The following IGF1R variants were observed in gnomAD, a reference collection of about 807,000 sequenced individuals.
IGF1R encodes the protein insulin-like growth factor 1 receptor.
In IGF1R, 44 loss-of-function variants were observed where a neutral mutation model predicts 144.6. That is an observed-to-expected ratio of 0.30 (90% CI 0.24 to 0.39). The LOEUF is 0.39. Ranked by LOEUF, IGF1R falls within the 10% of genes least tolerant of loss-of-function variation. The probability of loss-of-function intolerance (pLI) is 1.00; values close to 1 mark genes in which losing one functional copy is unlikely to be tolerated. For synonymous variants in IGF1R, 795 were observed against 722.8 expected, an observed-to-expected ratio of 1.10 and a Z score of -1.60; for missense variants, 1,355 against 1,833.7, an observed-to-expected ratio of 0.74 and a Z score of 4.77.
At chr15:98,888,423 A>ATG (rs2013743080) in intron 2 of IGF1R, among the ~76,000 whole-genome samples, 6 of 30,170 alleles carry the variant, frequency 2.0e-4, no homozygotes, top group African/African-American at 4.5e-4. Flanking sequence ...TGGGGGTTTG[A>ATG]TGAGAGAGAG....
At position 98,935,978 on chromosome 15, in the gene IGF1R, G is replaced by A. The variant is rs895995531; in HGVS notation, c.3297+552G>A. Among the ~76,000 whole-genome samples, 1 of 152,188 alleles carries A rather than the reference G, an allele frequency of 6.6e-6. No individual in the cohort carries two copies. Among genetic ancestry groups the A allele is most frequent in the Admixed American group, 6.5e-5 (1 of 15,278 alleles). ...CAATAAATGTATGTTACAGTTCAAG[G>A]TTAAGCTGCCTGGATTCTTGCCCTT... On this transcript the variant is annotated intron_variant, in intron 17 of 20. Transcript: ENST00000650285. The surrounding 1 kb of genome is among the most constrained non-coding windows in gnomAD (Gnocchi z 4.2).
At chr15:98,730,808 A>G (rs1436858678) in intron 2 of IGF1R, among the ~76,000 whole-genome samples, 1 of 152,214 alleles carries the variant, frequency 6.6e-6, no homozygotes, top group Non-Finnish European at 1.5e-5. Context: ...ATAATGGCAA[A>G]CTTGATACCT....
At chr15:98,934,732 C>G (rs971050118) in intron 15 of IGF1R, 92 bp from the exon 16 acceptor site, 1 of 1,036,036 alleles carries the variant, frequency 9.7e-7, no homozygotes, top group Non-Finnish European at 1.5e-6. Context: ...AAGGAAGCAG[C>G]ATCTTATATT....
chr15:98,873,072 G>A (rs763577144), intron 2 of IGF1R, among the ~76,000 whole-genome samples: 1 of 152,142 alleles, frequency 6.6e-6, no homozygotes, highest in African/African-American at 2.4e-5. Context: ...AGCCAAGGAT[G>A]TCAAGGGGCC....
intron 2 of IGF1R, among the ~76,000 whole-genome samples, chr15:98,753,321 A>G (rs573238748): frequency 6.2e-5 from 9 of 146,226 alleles, no homozygotes; most frequent in East Asian, 4.0e-4. Flanking sequence ...TGCTCAAGCA[A>G]TCCTCCCGCC....
chr15:98,774,688 T>TG (rs895713979), intron 2 of IGF1R, among the ~76,000 whole-genome samples: 5 of 60,672 alleles, frequency 8.2e-5, no homozygotes, highest in African/African-American at 3.9e-4. Flanking sequence ...GCTGCGGTGG[T>TG]GGGGGGGTGG....
At chr15:98,665,137 G>T (rs948243642) in intron 1 of IGF1R, among the ~76,000 whole-genome samples, 4 of 152,090 alleles carry the variant, frequency 2.6e-5, no homozygotes, top group African/African-American at 7.2e-5. Context: ...ATTTTTAGTA[G>T]AGATGGGGTT....
chr15:98,911,601 C>T (rs113021878), intron 7 of IGF1R, among the ~76,000 whole-genome samples, 160 bp downstream of exon 7: 37 of 152,274 alleles, frequency 2.4e-4, no homozygotes, highest in Middle Eastern at 3.4e-3. Flanking sequence ...TGCACCCTCT[C>T]GGGCTGTCCC....
At chr15:98,671,582 C>G (rs1309982086) in intron 1 of IGF1R, among the ~76,000 whole-genome samples, 1 of 152,174 alleles carries the variant, frequency 6.6e-6, no homozygotes, top group African/African-American at 2.4e-5. Context: ...AGTCTCAGCT[C>G]TTTTAAGATT....
At position 98,963,459 on chromosome 15, in the gene IGF1R, T is replaced by C. The variant is rs2017306183; in HGVS notation, c.*6017T>C. On this transcript the variant is annotated 3_prime_UTR_variant, in exon 21 of 21. Transcript: ENST00000650285. ...TGGTCATTTCCCTTTGGAGTGTAGCTACTTTAACAGATGGAAAGAACCTCA... is the reference window on the plus strand; with the variant it reads ...TGGTCATTTCCCTTTGGAGTGTAGCCACTTTAACAGATGGAAAGAACCTCA... 4.3e-6 allele frequency: 1 copy of C among 233,178 alleles called. No individual in the cohort carries two copies. Among genetic ancestry groups the C allele is most frequent in the Non-Finnish European group, 8.5e-6 (1 of 118,068 alleles). The allele number at this position is 233,178 out of a possible 1,614,324, so 14.4% of individuals were successfully genotyped here. A position where few individuals can be genotyped will look rare whatever the true frequency, so the allele number is the denominator to read the frequency against.
intron 1 of IGF1R, among the ~76,000 whole-genome samples, chr15:98,675,856 C>T (rs538105829): frequency 1.1e-3 from 141 of 128,098 alleles, no homozygotes; most frequent in Middle Eastern, 5.7e-3. Flanking sequence ...GAGAGAGTCT[C>T]GCTCTGTTGC....
At chr15:98,911,020 C>T (rs761585255) in intron 6 of IGF1R, among the ~76,000 whole-genome samples, 6 of 152,218 alleles carry the variant, frequency 3.9e-5, no homozygotes, top group Admixed American at 6.5e-5. Context: ...AAGTTCACCT[C>T]GTTCACTGAA....
chr15:98,846,337 G>A (rs2011327009), intron 2 of IGF1R, among the ~76,000 whole-genome samples: 2 of 152,214 alleles, frequency 1.3e-5, no homozygotes, highest in Non-Finnish European at 2.9e-5. Context: ...ATCATTGGAT[G>A]CATTGACCAG....
At chr15:98,905,878 G>C (rs1036536144) in intron 5 of IGF1R, among the ~76,000 whole-genome samples, 2 of 152,152 alleles carry the variant, frequency 1.3e-5, no homozygotes, top group African/African-American at 4.8e-5. Flanking sequence ...CCTAATCATG[G>C]AAGGAATTTA....
chr15:98,707,890 C>T lies in IGF1R; in HGVS notation c.423C>T (p.Ile141=), dbSNP rs777332855. ...TGAGGAACATTACTCGGGGGGCCAT[C>T]AGGATTGAGAAAAATGCTGACCTCT... The part of the protein sequence containing the change: ...YNLRNITRGA[I]RIEKNADLCY... The change falls in exon 2 of 21, where the codon ATC becomes ATT. Residue 141 remains isoleucine, a synonymous_variant. Coordinates refer to ENST00000650285, the MANE Select transcript of IGF1R (RefSeq NM_000875.5). This position sits in a 1 kb window ranked among gnomAD's most constrained non-coding sequence, Gnocchi z 6.7. 3.7e-6 allele frequency: 6 copies of T among 1,614,032 alleles called. No homozygotes were observed. The South Asian group carries it at 6.6e-5, about 18-fold the overall frequency.
At chr15:98,941,425 A>G (rs1199509210) in intron 18 of IGF1R, among the ~76,000 whole-genome samples, 1 of 152,154 alleles carries the variant, frequency 6.6e-6, no homozygotes, top group Non-Finnish European at 1.5e-5. Context: ...CTGTTCAACC[A>G]TGTGGCATAT....
chr15:98,821,769 GT>G (rs2056808155), intron 2 of IGF1R, among the ~76,000 whole-genome samples: 1 of 152,218 alleles, frequency 6.6e-6, no homozygotes, highest in African/African-American at 2.4e-5. Flanking sequence ...CAGGAATAGA[GT>G]ACCTGGGGCT....
intron 2 of IGF1R, among the ~76,000 whole-genome samples, chr15:98,845,631 T>C (rs1040107683): frequency 6.6e-6 from 1 of 150,638 alleles, no homozygotes; most frequent in African/African-American, 2.4e-5. Flanking sequence ...GAGATGGGCC[T>C]GTGCGGCACT....
At chr15:98,803,025 C>A (rs1367510130) in intron 2 of IGF1R, among the ~76,000 whole-genome samples, 1 of 151,960 alleles carries the variant, frequency 6.6e-6, no homozygotes, top group Non-Finnish European at 1.5e-5. Flanking sequence ...AAGCTGGATT[C>A]AGTAACATGA....
Sources: allele counts gnomAD v4.1 joint callset (sites outside exome capture counted in the v4.1 genomes callset), GRCh38; gene constraint gnomAD v4.1.1; non-coding constraint Gnocchi (gnomAD v3.1); transcripts MANE v1.5; gene names NCBI Gene and HGNC (gene_info 2026-07-23, HGNC 2026-07-21).